Variants in OSBPL5 observed in about 807,000 individuals in gnomAD.
The protein encoded by OSBPL5 is oxysterol-binding protein-related protein 5.
A neutral mutation model predicts 111.2 loss-of-function variants in OSBPL5; 71 were observed. The ratio of observed to expected loss-of-function variants is 0.64; its 90% CI spans 0.53 to 0.78. OSBPL5 has a LOEUF of 0.78. Ranked by LOEUF, OSBPL5 falls within the 30% of genes least tolerant of loss-of-function variation. The probability of loss-of-function intolerance (pLI) is 0.00; values close to 1 mark genes in which losing one functional copy is unlikely to be tolerated. For missense variants in OSBPL5, 1,210 were observed against 1,189.3 expected (o/e 1.02, Z -0.26); for synonymous variants, 549 against 513.9 (o/e 1.07, Z -0.93).
rs1172846593 is a variant in OSBPL5, at chr11:3,154,369, G to T, written c.-22+10847C>A. 3.3e-5 allele frequency among the ~76,000 whole-genome samples: 5 copies of T among 152,246 alleles called. No individual in the cohort carries two copies. Among genetic ancestry groups the T allele is most frequent in the Non-Finnish European group, 7.3e-5 (5 of 68,036 alleles). Reference sequence around the variant, plus strand: ...CCCCGCCCACTTTGCCGGTGGGACAGAGTGGCTGACGGCGTGTGGCACAGG... The same window carrying T: ...CCCCGCCCACTTTGCCGGTGGGACATAGTGGCTGACGGCGTGTGGCACAGG... On this transcript the variant is annotated intron_variant, in intron 1 of 21. Transcript: ENST00000263650. This position sits in a 1 kb window ranked among gnomAD's most constrained non-coding sequence, Gnocchi z 4.9.
chr11:3,112,129 ATATG>A (rs138681793), intron 7 of OSBPL5, among the ~76,000 whole-genome samples: 14,195 of 150,044 alleles, frequency 0.095, 733 homozygotes, highest in South Asian at 0.17. Context: ...GTGTGTGCGC[ATATG>A]TGTGTGTTTG....
At chr11:3,143,827 G>A (rs941479372) in intron 1 of OSBPL5, among the ~76,000 whole-genome samples, 33 of 152,222 alleles carry the variant, frequency 2.2e-4, no homozygotes, top group Non-Finnish European at 3.8e-4. Flanking sequence ...AGCCCAGGGG[G>A]ATCCTCCTAG....
intron 1 of OSBPL5, among the ~76,000 whole-genome samples, chr11:3,129,576 A>G (rs113730424): frequency 0.06 from 9,121 of 152,200 alleles, 303 homozygotes; most frequent in Admixed American, 0.086. Context: ...GGAGGGGTCT[A>G]GAGCTTCCAT....
In OSBPL5 at chr11:3,093,566, G is replaced by C; in HGVS notation, c.1907C>G (p.Thr636Arg). ...EVRRQRLRQH[T>R]VPLEEQTELE... The stretch of plus-strand genomic sequence containing the variant: ...CTCCGTCTGCTCCTCCAGCGGCACC[G>C]TGTGCTGCCTCAGCCTCTGTCTGCG... The change falls in exon 17 of 22, where the codon ACG becomes AGG. Residue 636 changes from threonine (T) to arginine (R), a missense_variant. Coordinates refer to ENST00000263650, the MANE Select transcript of OSBPL5 (RefSeq NM_020896.4). 6.2e-7 allele frequency: 1 copy of C among 1,611,738 alleles called. No individual in the cohort carries two copies. The highest frequency in any genetic ancestry group is 1.1e-5 in the South Asian group (1 of 91,090).
intron 15 of OSBPL5, 119 bp from the exon 16 acceptor site, chr11:3,093,954 G>A (rs768366337): frequency 2.4e-5 from 30 of 1,271,624 alleles, no homozygotes; most frequent in Non-Finnish European, 3.0e-5. Flanking sequence ...CAGGAGGGAT[G>A]GACCCAACCC....
rs955036468 is a variant in OSBPL5 at position 3,093,114 on chromosome 11, G to A, written c.1947-62C>T. 10 of 1,430,538 alleles carry A rather than the reference G, an allele frequency of 7.0e-6. No individual in the cohort carries two copies. In the African/African-American group the frequency reaches 1.4e-4, roughly 20 times the overall value. The allele number at this position is 1,430,538 out of a possible 1,614,324, so 88.6% of individuals were successfully genotyped here. ...GGCAGCCCGACCCCTAGGCAGCTAG[G>A]AATCAGGGCCCCTTGGCACCAGAAG... On this transcript the variant is annotated intron_variant, in intron 17 of 21. Coordinates refer to ENST00000263650, the MANE Select transcript of OSBPL5 (RefSeq NM_020896.4).
intron 2 of OSBPL5, among the ~76,000 whole-genome samples, chr11:3,128,166 C>T (rs1380725150): frequency 6.6e-6 from 1 of 152,234 alleles, no homozygotes; most frequent in African/African-American, 2.4e-5. Context: ...ACTTTGGCTG[C>T]GACCACACGC....
Position 3,093,986 on chromosome 11 carries a change from C to T in OSBPL5, c.1720-151G>A, listed in dbSNP as rs545192189. On this transcript the variant is annotated intron_variant, in intron 15 of 21. Coordinates refer to ENST00000263650, the MANE Select transcript of OSBPL5 (RefSeq NM_020896.4). ...ACCCTCGCCAACGAGGCCTTCGGGACCCCCACGCCTCCGCTCAAGGATGTA... is the reference window on the plus strand; with the variant it reads ...ACCCTCGCCAACGAGGCCTTCGGGATCCCCACGCCTCCGCTCAAGGATGTA... 7.4e-5 allele frequency: 71 copies of T among 963,300 alleles called. No individual in the cohort carries two copies. In the South Asian group the frequency reaches 1.0e-3, roughly 14 times the overall value. The allele number at this position is 963,300 out of a possible 1,614,324, so 59.7% of individuals were successfully genotyped here.
chr11:3,109,402 C>G lies in OSBPL5; in HGVS notation c.692-1457G>C, dbSNP rs1857830982. 6.6e-6 allele frequency among the ~76,000 whole-genome samples: 1 copy of G among 152,128 alleles called. No individual in the cohort carries two copies. On this transcript the variant is annotated intron_variant, in intron 7 of 21. Coordinates refer to ENST00000263650, the MANE Select transcript of OSBPL5 (RefSeq NM_020896.4). The surrounding 1 kb of genome is among the most constrained non-coding windows in gnomAD (Gnocchi z 7.4). ...GTTAGTAAGTGTTATTCAAAGAAAG[C>G]CTCCTGGGGTCACGTCAGGTGGGAG...
chr11:3,117,442 C>T (rs185725785), intron 7 of OSBPL5, among the ~76,000 whole-genome samples: 1,576 of 152,270 alleles, frequency 0.01, 23 homozygotes, highest in African/African-American at 0.036. Flanking sequence ...GAGATTCTTT[C>T]TATGGAACAA....
intron 1 of OSBPL5, among the ~76,000 whole-genome samples, chr11:3,139,247 C>T (rs962837343): frequency 2.6e-5 from 4 of 152,184 alleles, no homozygotes; most frequent in Admixed American, 6.5e-5. Context: ...AGGTGGCCAC[C>T]GGCCAGCTGA....
At position 3,121,061 on chromosome 11, in the gene OSBPL5, CTTTTTTTTTTT is replaced by C. The variant is rs34351257; in HGVS notation, c.403-448_403-438del. 7.7e-6 allele frequency among the ~76,000 whole-genome samples: 1 copy of C among 130,360 alleles called. No individual in the cohort carries two copies. The highest frequency in any genetic ancestry group is 1.6e-5 in the Non-Finnish European group (1 of 62,462). 85.5% of individuals were successfully genotyped at this position (130,360 alleles called of 152,430 possible). A position where few individuals can be genotyped will look rare whatever the true frequency, so the allele number is the denominator to read the frequency against. On this transcript the variant is annotated intron_variant, in intron 5 of 21. Coordinates refer to ENST00000263650, the MANE Select transcript of OSBPL5 (RefSeq NM_020896.4). The surrounding 1 kb of genome is among the most constrained non-coding windows in gnomAD (Gnocchi z 4.3). Reference sequence around the variant, plus strand: ...CTTGTAACTGGCAGCTTTGTAGATTCTTTTTTTTTTTTTTTTTGAGACAGAGTCTCTGTTGC... The same window carrying C: ...CTTGTAACTGGCAGCTTTGTAGATTCTTTTTTGAGACAGAGTCTCTGTTGC...
intron 1 of OSBPL5, among the ~76,000 whole-genome samples, chr11:3,135,379 C>T (rs1263305829): frequency 6.6e-6 from 1 of 152,188 alleles, no homozygotes; most frequent in South Asian, 2.1e-4. Context: ...GCTGGAGCTG[C>T]TAAGGGCCGG....
intron 1 of OSBPL5, among the ~76,000 whole-genome samples, chr11:3,138,498 G>C (rs1846013098): frequency 6.6e-6 from 1 of 152,218 alleles, no homozygotes; most frequent in South Asian, 2.1e-4. Context: ...GGGCCTGCTG[G>C]GATTGTGGAC....
Position 3,130,026 on chromosome 11 carries a change from C to T in OSBPL5, c.-21-857G>A, listed in dbSNP as rs1287418945. ...GAGGACAACAGGCGGTCCCCTCTGT[C>T]CTGCTCCCCACCAGCCCTACACCTA... On this transcript the variant is annotated intron_variant, in intron 1 of 21. Coordinates refer to ENST00000263650, the MANE Select transcript of OSBPL5 (RefSeq NM_020896.4). The surrounding 1 kb of genome is among the most constrained non-coding windows in gnomAD (Gnocchi z 4.5). Among the ~76,000 whole-genome samples the T allele has an allele frequency of 6.6e-6, 1 of 151,910 alleles. No homozygotes were observed. Among genetic ancestry groups the T allele is most frequent in the East Asian group, 1.9e-4 (1 of 5,148 alleles).
rs373585598 is a variant in OSBPL5 at position 3,093,097 on chromosome 11, G to A, written c.1947-45C>T. 1.0e-5 allele frequency: 15 copies of A among 1,468,352 alleles called. No homozygotes were observed. In the African/African-American group the frequency reaches 1.1e-4, roughly 11 times the overall value. The allele number at this position is 1,468,352 out of a possible 1,614,324, so 91.0% of individuals were successfully genotyped here. ...CCTGAGCCAGTGGCCCGGGCAGCCCGACCCCTAGGCAGCTAGGAATCAGGG... is the reference window on the plus strand; with the variant it reads ...CCTGAGCCAGTGGCCCGGGCAGCCCAACCCCTAGGCAGCTAGGAATCAGGG... On this transcript the variant is annotated intron_variant, in intron 17 of 21. Transcript: ENST00000263650.
intron 19 of OSBPL5, among the ~76,000 whole-genome samples, chr11:3,091,372 C>A (rs1857049539): frequency 1.3e-5 from 2 of 152,092 alleles, no homozygotes; most frequent in South Asian, 4.2e-4. Flanking sequence ...AGCGACGGGG[C>A]AGGTGGGGTC....
rs930052740 is a variant in OSBPL5, at chr11:3,142,525, C to CT, written c.-21-13357dup. The stretch of plus-strand genomic sequence containing the variant: ...TCACCCGGATGCTTAGCTCCCCTCC[C>CT]TTTTTACAGATGAGGAAACTGAGAA... On this transcript the variant is annotated intron_variant, in intron 1 of 21. Coordinates refer to ENST00000263650, the MANE Select transcript of OSBPL5 (RefSeq NM_020896.4). This position sits in a 1 kb window ranked among gnomAD's most constrained non-coding sequence, Gnocchi z 7.1. Among the ~76,000 whole-genome samples the CT allele has an allele frequency of 2.8e-4, 43 of 152,296 alleles. No individual in the cohort carries two copies. Among genetic ancestry groups the CT allele is most frequent in the African/African-American group, 1.0e-3 (42 of 41,548 alleles).
chr11:3,103,756 G>GC (rs570227138), intron 10 of OSBPL5, among the ~76,000 whole-genome samples: 19,681 of 55,376 alleles, frequency 0.36, 2,301 homozygotes, highest in Admixed American at 0.44. Flanking sequence ...CCCTCTTCCA[G>GC]CTCTGCAGCC....
Sources: gnomAD v4.1 joint callset for allele counts (sites outside exome capture counted in the v4.1 genomes callset) on GRCh38, gnomAD v4.1.1 for gene constraint, Gnocchi (gnomAD v3.1) non-coding constraint, MANE v1.5 for transcripts, NCBI Gene and HGNC (gene_info 2026-07-23, HGNC 2026-07-21) for gene names.